Variants in NTRK3 observed in about 807,000 individuals in gnomAD.
NTRK3 encodes the protein NT-3 growth factor receptor.
Under a neutral mutation model 91.7 loss-of-function variants are expected in NTRK3, and 24 were observed. The observed-to-expected ratio is 0.26, with a 90% CI of 0.19 to 0.37. NTRK3 has a LOEUF of 0.37. Ranked by LOEUF, NTRK3 falls within the 10% of genes least tolerant of loss-of-function variation. The pLI is 1.00. For missense variants in NTRK3, 880 were observed against 1,068.9 expected (o/e 0.82, Z 2.46); for synonymous variants, 483 against 404.0 (o/e 1.20, Z -2.34).
At chr15:88,023,571 T>C (rs1296662375) in intron 14 of NTRK3, among the ~76,000 whole-genome samples, 2 of 152,198 alleles carry the variant, frequency 1.3e-5, no homozygotes, top group East Asian at 3.9e-4. Context: ...ATGGTTCCCC[T>C]AGAGTGGACT....
intron 14 of NTRK3, among the ~76,000 whole-genome samples, chr15:88,028,289 TC>T (rs1424020796): frequency 1.3e-5 from 2 of 152,012 alleles, no homozygotes; most frequent in African/African-American, 2.4e-5. Flanking sequence ...TGTCTCTTGT[TC>T]CCCAGTGTTT....
chr15:87,884,453 A>G (rs1426000780), intron 17 of NTRK3, among the ~76,000 whole-genome samples: 2 of 151,838 alleles, frequency 1.3e-5, no homozygotes, highest in Admixed American at 6.6e-5. Flanking sequence ...ACTTTCCCAA[A>G]CCATTCTATG....
intron 13 of NTRK3, among the ~76,000 whole-genome samples, chr15:88,063,486 G>A (rs2046388664): frequency 6.6e-6 from 1 of 152,206 alleles, no homozygotes; most frequent in African/African-American, 2.4e-5. Context: ...GACAACCCGT[G>A]TTCCCCACTG....
chr15:88,225,354 G>C (rs1368178906), intron 3 of NTRK3, among the ~76,000 whole-genome samples: 1 of 152,120 alleles, frequency 6.6e-6, no homozygotes, highest in Non-Finnish European at 1.5e-5. Flanking sequence ...TATACCCTCT[G>C]TACTACCCTG....
At chr15:88,172,175 G>C (rs560894983) in intron 5 of NTRK3, among the ~76,000 whole-genome samples, 1 of 152,250 alleles carries the variant, frequency 6.6e-6, no homozygotes, top group African/African-American at 2.4e-5. Context: ...CAGGCAAAGG[G>C]GTTAACCCAG....
chr15:88,107,012 G>C (rs2050785192), intron 13 of NTRK3, among the ~76,000 whole-genome samples: 1 of 151,488 alleles, frequency 6.6e-6, no homozygotes, highest in Non-Finnish European at 1.5e-5. Flanking sequence ...ATGTGCATAT[G>C]TACATATATA....
At chr15:88,137,197 G>A (rs559820736) in intron 7 of NTRK3, among the ~76,000 whole-genome samples, 3 of 152,358 alleles carry the variant, frequency 2.0e-5, no homozygotes, top group South Asian at 4.1e-4. Flanking sequence ...CCTGAAACCA[G>A]TCTTCCTATG....
chr15:88,057,725 A>T (rs182651813), intron 13 of NTRK3, among the ~76,000 whole-genome samples: 4 of 152,138 alleles, frequency 2.6e-5, no homozygotes, highest in African/African-American at 9.6e-5. Context: ...TGCCGGGAAA[A>T]CCCTGACTCC....
chr15:87,864,006 C>CAT (rs2064596805), exon 19 of NTRK3: 1 of 232,736 alleles, frequency 4.3e-6, no homozygotes, highest in Non-Finnish European at 8.5e-6. Context: ...CACACACACA[C>CAT]ACACACACAC....
intron 13 of NTRK3, among the ~76,000 whole-genome samples, chr15:88,075,336 A>C (rs2047444926): frequency 6.6e-6 from 1 of 152,224 alleles, no homozygotes; most frequent in Admixed American, 6.5e-5. Context: ...TCAAAAATCA[A>C]ATTAATTTTG....
intron 14 of NTRK3, among the ~76,000 whole-genome samples, chr15:87,958,117 T>C (rs2071866345): frequency 6.6e-6 from 1 of 152,198 alleles, no homozygotes; most frequent in South Asian, 2.1e-4. Context: ...CAAAAGCCGC[T>C]CCACACACAA....
At chr15:87,944,724 T>TC (rs2070265566) in intron 14 of NTRK3, among the ~76,000 whole-genome samples, 1 of 152,136 alleles carries the variant, frequency 6.6e-6, no homozygotes, top group African/African-American at 2.4e-5. Flanking sequence ...GACAGCATCT[T>TC]CCCAAGGGCG....
Position 88,191,379 on chromosome 15 carries a change from G to A in NTRK3, c.249-7080C>T, listed in dbSNP as rs144798787. Among the ~76,000 whole-genome samples the A allele has an allele frequency of 5.9e-3, 901 of 152,240 alleles. 13 individuals carry two copies. Among genetic ancestry groups the A allele is most frequent in the African/African-American group, 0.021 (856 of 41,528 alleles). On this transcript the variant is annotated intron_variant, in intron 3 of 18. Transcript: ENST00000394480. ...ATTTTTGTATTTTTAGTAGAGACAG[G>A]GTTATACCATGTTGGCCAGGCTGGT...
chr15:88,051,792 C>T (rs184951105), intron 13 of NTRK3, among the ~76,000 whole-genome samples: 16 of 152,220 alleles, frequency 1.1e-4, no homozygotes, highest in Admixed American at 3.9e-4. Context: ...CTTTTAACCC[C>T]CATGATAATT....
chr15:88,135,442 C>T, intron 9 of NTRK3, 45 bp from the exon 10 acceptor site: 1 of 1,598,042 alleles, frequency 6.3e-7, no homozygotes, highest in Non-Finnish European at 8.5e-7. Flanking sequence ...CAGAGTCTAC[C>T]ACCTCCTGCA....
intron 3 of NTRK3, among the ~76,000 whole-genome samples, chr15:88,218,627 G>A (rs751027782): frequency 1.3e-5 from 2 of 152,134 alleles, no homozygotes; most frequent in Non-Finnish European, 2.9e-5. Context: ...CACCACTCTT[G>A]GGCTCACAGT....
At chr15:87,996,069 C>A (rs2075673682) in intron 14 of NTRK3, among the ~76,000 whole-genome samples, 1 of 151,932 alleles carries the variant, frequency 6.6e-6, no homozygotes, top group Non-Finnish European at 1.5e-5. Flanking sequence ...CATGACGAAA[C>A]CCCATCTCTA....
At chr15:88,249,854 C>T (rs2053184740) in intron 3 of NTRK3, among the ~76,000 whole-genome samples, 1 of 152,176 alleles carries the variant, frequency 6.6e-6, no homozygotes, top group African/African-American at 2.4e-5. Context: ...TCATCACCAG[C>T]ATCTGAGTGA....
At chr15:88,052,603 G>C (rs2045326171) in intron 13 of NTRK3, among the ~76,000 whole-genome samples, 1 of 152,220 alleles carries the variant, frequency 6.6e-6, no homozygotes. Flanking sequence ...TTTAAAGTTA[G>C]ATGTAATTAA....
Sources: gnomAD v4.1 joint callset for allele counts (sites outside exome capture counted in the v4.1 genomes callset) on GRCh38, gnomAD v4.1.1 for gene constraint, MANE v1.5 for transcripts, NCBI Gene and HGNC (gene_info 2026-07-23, HGNC 2026-07-21) for gene names.